Variants in FURIN observed in about 807,000 individuals in gnomAD.
FURIN encodes furin, paired basic amino acid cleaving enzyme.
FURIN carries 18 observed loss-of-function variants against 89.2 expected under a neutral mutation model. The observed-to-expected ratio is 0.20, with a 90% CI of 0.14 to 0.30. The LOEUF is 0.30. Ranked by LOEUF, FURIN falls within the 10% of genes least tolerant of loss-of-function variation. The probability of loss-of-function intolerance (pLI) is 1.00; values close to 1 mark genes in which losing one functional copy is unlikely to be tolerated. For missense variants in FURIN, 879 were observed against 1,100.5 expected (o/e 0.80, Z 2.85); for synonymous variants, 508 against 466.4 (o/e 1.09, Z -1.15).
rs1314319624 is a variant in FURIN at position 90,876,350 on chromosome 15, T to G, written c.273T>G (p.Pro91=). The part of the protein sequence containing the change: ...RPRHSRLQRE[P]QVQWLEQQVA... ...GGCACAGCCGGCTGCAGAGGGAGCC[T>G]CAAGTGAGTGTGGCCCCAGCCCCCT... is the stretch of plus-strand genomic sequence containing the variant. Residue 91 remains proline (P), a synonymous_variant, in exon 3 of 16, where the codon CCT becomes CCG. Transcript: ENST00000268171. This position sits in a 1 kb window ranked among gnomAD's most constrained non-coding sequence, Gnocchi z 5.0. The G allele has an allele frequency of 8.1e-6, 13 of 1,605,366 alleles. No homozygotes were observed. The highest frequency in any genetic ancestry group is 1.1e-5 in the Non-Finnish European group (13 of 1,172,528).
chr15:90,870,492 G>A (rs1256404886), intron 1 of FURIN, among the ~76,000 whole-genome samples: 1 of 151,802 alleles, frequency 6.6e-6, no homozygotes, highest in Non-Finnish European at 1.5e-5. Flanking sequence ...CCCATTACCC[G>A]GGAACCTGTG....
rs748244204 is a variant in FURIN, at chr15:90,881,680, C to T, written c.2187C>T (p.Phe729=). The part of the protein sequence containing the change: ...GLSCAFIVLV[F]VTVFLVLQLR... ...GCTGCGCCTTCATCGTGCTGGTCTT[C>T]GTCACTGTCTTCCTGGTCCTGCAGC... The change falls in exon 16 of 16, where the codon TTC becomes TTT. Residue 729 remains phenylalanine, a synonymous_variant. Transcript: ENST00000268171. This position sits in a 1 kb window ranked among gnomAD's most constrained non-coding sequence, Gnocchi z 4.3. 1.2e-5 allele frequency: 19 copies of T among 1,587,270 alleles called. No individual in the cohort carries two copies. The highest frequency in any genetic ancestry group is 1.7e-4 in the Middle Eastern group (1 of 5,950).
At chr15:90,871,916 C>T (rs1205550209) in intron 1 of FURIN, among the ~76,000 whole-genome samples, 2 of 151,390 alleles carry the variant, frequency 1.3e-5, no homozygotes, top group Non-Finnish European at 3.0e-5. Context: ...GGCCCCCCGG[C>T]CGTGGCTGGT....
chr15:90,875,843 G>A lies in FURIN; in HGVS notation c.103G>A (p.Ala35Thr), dbSNP rs755616871. 25 of 1,579,320 alleles carry A rather than the reference G, an allele frequency of 1.6e-5. No homozygotes were observed. The South Asian group carries it at 2.8e-4, about 18-fold the overall frequency. Residue 35 changes from alanine to threonine, a missense_variant, in exon 2 of 16, where the codon GCT becomes ACT. Around this residue, in one of 5 missense-constraint regions of FURIN, gnomAD observed 125 missense variants for 125.0 expected, o/e 1.00. Coordinates refer to ENST00000268171, the MANE Select transcript of FURIN (RefSeq NM_002569.4). The part of the protein sequence containing the change: ...QGQKVFTNTW[A>T]VRIPGGPAVA... ...CCAGAAGGTCTTCACCAACACGTGG[G>A]CTGTGCGCATCCCTGGAGGCCCAGC...
chr15:90,871,311 G>GGAGCTTCCCGGGGAGCTC (rs1165670521), intron 1 of FURIN, among the ~76,000 whole-genome samples: 1 of 152,124 alleles, frequency 6.6e-6, no homozygotes, highest in African/African-American at 2.4e-5. Context: ...GAGCTCGCGG[G>GGAGCTTCCCGGGGAGCTC]GCGAAGAGCC....
chr15:90,876,325 G>A lies in FURIN; in HGVS notation c.248G>A (p.Arg83Gln), dbSNP rs753178103. The change falls in exon 3 of 16, where the codon CGG becomes CAG. Residue 83 changes from arginine (R) to glutamine (Q), a missense_variant. By Grantham distance (43) the Arg-to-Gln change is conservative. This residue lies in a region of FURIN where 125 missense variants were observed against 125.0 expected (regional missense o/e 1.00). Coordinates refer to ENST00000268171, the MANE Select transcript of FURIN (RefSeq NM_002569.4). The surrounding 1 kb of genome is among the most constrained non-coding windows in gnomAD (Gnocchi z 5.0). ...TKRSLSPHRP[R>Q]HSRLQREPQV... ...CGGTCCCTGTCGCCTCACCGCCCGC[G>A]GCACAGCCGGCTGCAGAGGGAGCCT... 10 of 1,612,198 alleles carry A rather than the reference G, an allele frequency of 6.2e-6. No homozygotes were observed. The Admixed American group carries it at 1.0e-4, about 16-fold the overall frequency.
At position 90,881,429 on chromosome 15, in the gene FURIN, G is replaced by T. The variant is rs749777024; in HGVS notation, c.1936G>T (p.Ala646Ser). ...IRASVCAPCH[A>S]SCATCQGPAL... ...GGCCAGCGTCTGCGCCCCCTGCCAC[G>T]CCTCATGTGCCACATGCCAGGGGCC... The change falls in exon 16 of 16, where the codon GCC (alanine) becomes TCC (serine). Residue 646 changes from alanine to serine, a missense_variant. Transcript: ENST00000268171. This position sits in a 1 kb window ranked among gnomAD's most constrained non-coding sequence, Gnocchi z 4.3. 1 of 1,612,474 alleles carries T rather than the reference G, an allele frequency of 6.2e-7. No homozygotes were observed. Among genetic ancestry groups the T allele is most frequent in the South Asian group, 1.1e-5 (1 of 91,054 alleles).
chr15:90,879,093 A>C, intron 9 of FURIN, 117 bp downstream of exon 9: 1 of 676,958 alleles, frequency 1.5e-6, no homozygotes, highest in Non-Finnish European at 2.6e-6. Context: ...ATAGTGGCTC[A>C]GGCATCATGC....
chr15:90,876,468 T>G lies in FURIN; in HGVS notation c.283T>G (p.Trp95Gly), dbSNP rs1273645842. 3 of 1,612,680 alleles carry G rather than the reference T, an allele frequency of 1.9e-6. No individual in the cohort carries two copies. The highest frequency in any genetic ancestry group is 2.5e-6 in the Non-Finnish European group (3 of 1,178,900). Residue 95 changes from tryptophan to glycine, a missense_variant, in exon 4 of 16, where the codon TGG (tryptophan) becomes GGG (glycine). Physicochemically the swap from Trp to Gly is radical, Grantham distance 184. Around this residue, in one of 5 missense-constraint regions of FURIN, gnomAD observed 125 missense variants for 125.0 expected, o/e 1.00. Transcript: ENST00000268171. This position sits in a 1 kb window ranked among gnomAD's most constrained non-coding sequence, Gnocchi z 5.0. ...CTCCCTCACTCCCCCACAGGTACAGTGGCTGGAACAGCAGGTGGCAAAGCG... is the reference window on the plus strand; with the variant it reads ...CTCCCTCACTCCCCCACAGGTACAGGGGCTGGAACAGCAGGTGGCAAAGCG... Reference protein sequence around the residue: ...SRLQREPQVQWLEQQVAKRRT... With the variant: ...SRLQREPQVQGLEQQVAKRRT...
rs141007374 is a variant in FURIN at position 90,876,509 on chromosome 15, C to T, written c.324C>T (p.Asp108=). Residue 108 remains aspartate, a synonymous_variant, in exon 4 of 16, where the codon GAC becomes GAT. Coordinates refer to ENST00000268171, the MANE Select transcript of FURIN (RefSeq NM_002569.4). The surrounding 1 kb of genome is among the most constrained non-coding windows in gnomAD (Gnocchi z 5.0). ...QQVAKRRTKR[D]VYQEPTDPKF... Reference sequence around the variant, plus strand: ...TGGCAAAGCGACGGACTAAACGGGACGTGTACCAGGAGCCCACAGACCCCA... The same window carrying T: ...TGGCAAAGCGACGGACTAAACGGGATGTGTACCAGGAGCCCACAGACCCCA... 4.8e-4 allele frequency: 773 copies of T among 1,613,868 alleles called. No individual in the cohort carries two copies. The highest frequency in any genetic ancestry group is 5.3e-4 in the Non-Finnish European group (629 of 1,179,890).
At chr15:90,875,461 C>T (rs2031558191) in intron 1 of FURIN, 121 bp from the exon 2 acceptor site, 1 of 351,580 alleles carries the variant, frequency 2.8e-6, no homozygotes, top group Non-Finnish European at 5.1e-6. Context: ...AATTTTTTTA[C>T]CCTTCTCCCC....
At chr15:90,878,027 C>T (rs1233932028) in intron 7 of FURIN, 105 bp from the exon 8 acceptor site, 8 of 1,096,942 alleles carry the variant, frequency 7.3e-6, no homozygotes, top group South Asian at 5.5e-5. Flanking sequence ...CCACCCTTCC[C>T]TTACTCATCC....
In FURIN at chr15:90,879,895, G is replaced by A. The variant is rs1429258918; in HGVS notation, c.1287G>A (p.Leu429=). 3 of 1,613,402 alleles carry A rather than the reference G, an allele frequency of 1.9e-6. No homozygotes were observed. The Admixed American group carries it at 5.0e-5, about 27-fold the overall frequency. Residue 429 remains leucine, a synonymous_variant, in exon 12 of 16, where the codon TTG becomes TTA. Transcript: ENST00000268171. ...KVSHSYGYGL[L]DAGAMVALAQ... ...GCCACTCATATGGCTACGGGCTTTT[G>A]GACGCAGGCGCCATGGTGGCCCTGG...
intron 8 of FURIN, 92 bp downstream of exon 8, chr15:90,878,396 A>G (rs1426221627): frequency 2.8e-6 from 3 of 1,068,498 alleles, no homozygotes; most frequent in Non-Finnish European, 3.9e-6. Context: ...ATTTATTCTC[A>G]TGTTTAACTT....
chr15:90,881,261 C>T lies in FURIN; in HGVS notation c.1793-25C>T, dbSNP rs1555429053. On this transcript the variant is annotated intron_variant, in intron 15 of 15. Coordinates refer to ENST00000268171, the MANE Select transcript of FURIN (RefSeq NM_002569.4). This position sits in a 1 kb window ranked among gnomAD's most constrained non-coding sequence, Gnocchi z 4.3. Reference sequence around the variant, plus strand: ...CTACAGTCTGTTTAGCTGACACACACTTGCCCTCTCTCCCACGCCGGCAGT... The same window carrying T: ...CTACAGTCTGTTTAGCTGACACACATTTGCCCTCTCTCCCACGCCGGCAGT... 1 of 1,540,942 alleles carries T rather than the reference C, an allele frequency of 6.5e-7. No individual in the cohort carries two copies. The highest frequency in any genetic ancestry group is 1.2e-5 in the South Asian group (1 of 84,712).
In FURIN at chr15:90,875,839, G is replaced by A. The variant is rs745366653; in HGVS notation, c.99G>A (p.Thr33=). 8 of 1,577,616 alleles carry A rather than the reference G, an allele frequency of 5.1e-6. No individual in the cohort carries two copies. The highest frequency in any genetic ancestry group is 4.6e-5 in the East Asian group (2 of 43,802). ...DAQGQKVFTN[T]WAVRIPGGPA... ...AGGGCCAGAAGGTCTTCACCAACAC[G>A]TGGGCTGTGCGCATCCCTGGAGGCC... Residue 33 remains threonine, a synonymous_variant, in exon 2 of 16, where the codon ACG becomes ACA. Transcript: ENST00000268171.
Position 90,876,340 on chromosome 15 carries a change from A to G in FURIN, c.263A>G (p.Gln88Arg). ...SPHRPRHSRL[Q>R]REPQVQWLEQ... ...CACCGCCCGCGGCACAGCCGGCTGCAGAGGGAGCCTCAAGTGAGTGTGGCC... is the reference window on the plus strand; with the variant it reads ...CACCGCCCGCGGCACAGCCGGCTGCGGAGGGAGCCTCAAGTGAGTGTGGCC... The change falls in exon 3 of 16, where the codon CAG (glutamine) becomes CGG (arginine). Residue 88 changes from glutamine to arginine, a missense_variant. Physicochemically the swap from Gln to Arg is conservative, Grantham distance 43 (BLOSUM62 1). Transcript: ENST00000268171. This position sits in a 1 kb window ranked among gnomAD's most constrained non-coding sequence, Gnocchi z 5.0. The G allele has an allele frequency of 6.2e-7, 1 of 1,610,072 alleles. No homozygotes were observed. The highest frequency in any genetic ancestry group is 1.1e-5 in the South Asian group (1 of 90,990).
chr15:90,869,395 G>T (rs2151217164), intron 1 of FURIN, among the ~76,000 whole-genome samples: 1 of 152,336 alleles, frequency 6.6e-6, no homozygotes, highest in South Asian at 2.1e-4. Context: ...GAAGTCACCA[G>T]TTGTGGTCAA....
At chr15:90,877,450 C>T (rs921702246) in intron 6 of FURIN, 77 bp from the exon 7 acceptor site, 8 of 1,181,120 alleles carry the variant, frequency 6.8e-6, no homozygotes, top group South Asian at 4.3e-5. Context: ...GCGGATCCCT[C>T]GTGCTCCTCA....
Sources: allele counts gnomAD v4.1 joint callset (sites outside exome capture counted in the v4.1 genomes callset), GRCh38; gene constraint gnomAD v4.1.1; regional missense constraint gnomAD v4.1.1; non-coding constraint Gnocchi (gnomAD v3.1); transcripts MANE v1.5; gene names NCBI Gene and HGNC (gene_info 2026-07-23, HGNC 2026-07-21).